The following KANK1 variants were observed in gnomAD, a reference collection of about 807,000 sequenced individuals.
KANK1 encodes the protein KN motif and ankyrin repeat domain-containing protein 1.
In KANK1, 109 loss-of-function variants were observed where a neutral mutation model predicts 106.2. The ratio of observed to expected loss-of-function variants is 1.03; its 90% CI spans 0.88 to 1.20. The LOEUF (loss-of-function observed/expected upper bound fraction) is 1.20, where lower values mean the gene tolerates loss of function less well. KANK1 is among the 50% of genes most tolerant of loss of function. The pLI is 0.00. For synonymous variants in KANK1, 873 were observed against 652.2 expected (o/e 1.34, Z -5.16); for missense variants, 2,399 against 1,710.7 (o/e 1.40, Z -7.10).
Position 606,619 on chromosome 9 carries a change from TA to T in KANK1, c.-83-70270del, listed in dbSNP as rs1329859943. On this transcript the variant is annotated intron_variant, in intron 1 of 11. Coordinates refer to ENST00000382297, the MANE Select transcript of KANK1 (RefSeq NM_015158.5). Reference sequence around the variant, plus strand: ...AAATATGTGTGTGTGTGTGTGTATATATTTATATATTTATATATATTACATA... The same window carrying T: ...AAATATGTGTGTGTGTGTGTGTATATTTTATATATTTATATATATTACATA... Among the ~76,000 whole-genome samples, 303 of 90,350 alleles carry T rather than the reference TA, an allele frequency of 3.4e-3. 23 individuals carry two copies. The highest frequency in any genetic ancestry group is 7.5e-3 in the African/African-American group (262 of 34,884). The allele number at this position is 90,350 out of a possible 152,430, so 59.3% of individuals were successfully genotyped here. A position where few individuals can be genotyped will look rare whatever the true frequency, so the allele number is the denominator to read the frequency against.
chr9:623,574 C>T (rs1833668763), intron 1 of KANK1, among the ~76,000 whole-genome samples: 1 of 147,090 alleles, frequency 6.8e-6, no homozygotes, highest in African/African-American at 2.5e-5. Flanking sequence ...CACTGCCCTC[C>T]AGCCTGGGCA....
intron 2 of KANK1, chr9:687,034 T>C: frequency 3.1e-6 from 2 of 651,686 alleles, no homozygotes; most frequent in African/African-American, 2.0e-5. Context: ...TCTTTTCTTT[T>C]CTTTTTTTTT....
intron 3 of KANK1, among the ~76,000 whole-genome samples, chr9:714,546 T>G (rs1012685862): frequency 6.6e-6 from 1 of 151,836 alleles, no homozygotes; most frequent in Admixed American, 6.6e-5. Flanking sequence ...TTAGTAGAGA[T>G]AGGGTTTCAC....
At chr9:666,260 G>T (rs564312003) in intron 1 of KANK1, among the ~76,000 whole-genome samples, 3 of 151,810 alleles carry the variant, frequency 2.0e-5, no homozygotes, top group Admixed American at 6.6e-5. Context: ...TTCTTTTTCA[G>T]ATTGTTCACT....
intron 1 of KANK1, among the ~76,000 whole-genome samples, chr9:632,678 G>C (rs1444849915): frequency 6.6e-6 from 1 of 152,040 alleles, no homozygotes; most frequent in African/African-American, 2.4e-5. Flanking sequence ...GATAATGAGA[G>C]TGGTGTTTTG....
chr9:534,166 G>T (rs1188114858), intron 1 of KANK1, among the ~76,000 whole-genome samples: 1 of 152,162 alleles, frequency 6.6e-6, no homozygotes, highest in East Asian at 1.9e-4. Context: ...GTAATAAATA[G>T]TTTGTGGGAG....
At position 647,026 on chromosome 9, in the gene KANK1, C is replaced by G. The variant is rs748149163; in HGVS notation, c.-83-29864C>G. On this transcript the variant is annotated intron_variant, in intron 1 of 11. Coordinates refer to ENST00000382297, the MANE Select transcript of KANK1 (RefSeq NM_015158.5). ...AAACATCATTGTAAAAATCACTTCC[C>G]TTGCTATAGGAATTTGGCTTTGAGT... is the stretch of plus-strand genomic sequence containing the variant. Among the ~76,000 whole-genome samples, 48 of 151,012 alleles carry G rather than the reference C, an allele frequency of 3.2e-4. 1 individual carries two copies. The highest frequency in any genetic ancestry group is 8.8e-5 in the Non-Finnish European group (6 of 68,036).
chr9:696,615 GT>G (rs1476773523), intron 2 of KANK1, among the ~76,000 whole-genome samples: 3 of 152,112 alleles, frequency 2.0e-5, no homozygotes, highest in Non-Finnish European at 4.4e-5. Context: ...GTACGTTGAG[GT>G]TTGGGGTGGG....
intron 1 of KANK1, among the ~76,000 whole-genome samples, chr9:525,540 C>G (rs1257015582): frequency 1.3e-5 from 2 of 151,292 alleles, no homozygotes; most frequent in Admixed American, 1.3e-4. Flanking sequence ...CCGCCATGCC[C>G]TGCTAATTTT....
chr9:542,085 T>C (rs1163099137), intron 1 of KANK1, among the ~76,000 whole-genome samples: 1 of 149,506 alleles, frequency 6.7e-6, no homozygotes, highest in Non-Finnish European at 1.5e-5. Flanking sequence ...CGAGACTCCG[T>C]CTCAAAAAAA....
intron 1 of KANK1, among the ~76,000 whole-genome samples, chr9:667,931 A>T (rs1182116661): frequency 4.0e-5 from 6 of 151,864 alleles, no homozygotes; most frequent in Non-Finnish European, 7.4e-5. Context: ...GGGTTTTGCC[A>T]TGTTAGTCAG....
chr9:735,448 ATG>A (rs1833529822), intron 7 of KANK1, among the ~76,000 whole-genome samples: 1 of 152,224 alleles, frequency 6.6e-6, no homozygotes, highest in Non-Finnish European at 1.5e-5. Context: ...GCAATGGTTA[ATG>A]TGACACCATG....
intron 1 of KANK1, among the ~76,000 whole-genome samples, chr9:545,514 C>T (rs111771135): frequency 0.011 from 1,620 of 152,142 alleles, 8 homozygotes; most frequent in Middle Eastern, 0.017. Flanking sequence ...CTCTGAAGAG[C>T]AACCTGCAAA....
intron 1 of KANK1, among the ~76,000 whole-genome samples, chr9:522,915 G>T (rs2059615205): frequency 1.3e-5 from 2 of 151,582 alleles, no homozygotes; most frequent in Admixed American, 1.3e-4. Flanking sequence ...GCTGAGCTGT[G>T]GTTTCCCATG....
At chr9:726,771 C>G (rs1223386750) in intron 3 of KANK1, among the ~76,000 whole-genome samples, 1 of 151,614 alleles carries the variant, frequency 6.6e-6, no homozygotes, top group African/African-American at 2.4e-5. Context: ...ACCAGCCTGG[C>G]CAACATGGTA....
intron 1 of KANK1, among the ~76,000 whole-genome samples, chr9:651,207 GTTTTA>G (rs1840814814): frequency 6.6e-6 from 1 of 152,128 alleles, no homozygotes; most frequent in Non-Finnish European, 1.5e-5. Flanking sequence ...TAGGAATGGG[GTTTTA>G]TTTCTGTAAG....
At chr9:663,584 C>T (rs549594712) in intron 1 of KANK1, among the ~76,000 whole-genome samples, 1 of 152,264 alleles carries the variant, frequency 6.6e-6, no homozygotes, top group Admixed American at 6.5e-5. Flanking sequence ...CTATCTATTG[C>T]TGCTTTCTTT....
intron 1 of KANK1, among the ~76,000 whole-genome samples, chr9:633,260 T>C (rs1037279381): frequency 1.3e-5 from 2 of 151,860 alleles, no homozygotes; most frequent in African/African-American, 4.8e-5. Flanking sequence ...ATCGAGACCA[T>C]CCCGGCTAAC....
intron 1 of KANK1, among the ~76,000 whole-genome samples, chr9:671,445 A>C (rs1243201779): frequency 2.0e-5 from 3 of 151,192 alleles, no homozygotes; most frequent in Non-Finnish European, 4.4e-5. Context: ...GGAGATCAAG[A>C]CCATCCTGGC....
Sources: allele counts gnomAD v4.1 joint callset (sites outside exome capture counted in the v4.1 genomes callset), GRCh38; gene constraint gnomAD v4.1.1; transcripts MANE v1.5; gene names NCBI Gene and HGNC (gene_info 2026-07-23, HGNC 2026-07-21).